MAML2: variants seen among roughly 807,000 people sequenced by gnomAD.
The protein encoded by MAML2 is mastermind-like protein 2.
MAML2 carries 22 observed loss-of-function variants against 96.1 expected under a neutral mutation model. The observed-to-expected ratio is 0.23, with a 90% CI of 0.16 to 0.33. The LOEUF (loss-of-function observed/expected upper bound fraction) is 0.33, where lower values mean the gene tolerates loss of function less well. Among genes scored for constraint, MAML2 ranks in the 10% least tolerant of loss-of-function variants. The pLI, the probability that MAML2 is intolerant of heterozygous loss-of-function variation, is 1.00. For missense variants in MAML2, 1,367 were observed against 1,392.4 expected (o/e 0.98, Z 0.29); for synonymous variants, 561 against 521.3 (o/e 1.08, Z -1.04).
At chr11:96,321,106 T>C (rs1451886028) in intron 1 of MAML2, among the ~76,000 whole-genome samples, 1 of 152,226 alleles carries the variant, frequency 6.6e-6, no homozygotes, top group African/African-American at 2.4e-5. Flanking sequence ...CCACAGCATA[T>C]GGCTGCCCAC....
At chr11:96,010,914 C>A (rs911752989) in intron 2 of MAML2, among the ~76,000 whole-genome samples, 5 of 152,170 alleles carry the variant, frequency 3.3e-5, no homozygotes, top group Non-Finnish European at 7.4e-5. Flanking sequence ...TATAAGGTCA[C>A]TTTAATCCAG....
At chr11:96,340,257 C>A (rs1158183127) in intron 1 of MAML2, among the ~76,000 whole-genome samples, 2 of 152,224 alleles carry the variant, frequency 1.3e-5, no homozygotes, top group Non-Finnish European at 2.9e-5. Flanking sequence ...CTCCTTTGGG[C>A]TTTTTGAGTA....
chr11:96,195,116 A>G (rs975988847), intron 1 of MAML2, among the ~76,000 whole-genome samples: 8 of 152,248 alleles, frequency 5.3e-5, no homozygotes, highest in African/African-American at 1.9e-4. Context: ...TACCTCAGTC[A>G]TAGGCTTTCT....
At chr11:96,296,056 G>C (rs1469201678) in intron 1 of MAML2, among the ~76,000 whole-genome samples, 1 of 151,330 alleles carries the variant, frequency 6.6e-6, no homozygotes, top group Non-Finnish European at 1.5e-5. Flanking sequence ...ATTTTTTAAA[G>C]TACATTTTCT....
chr11:96,222,222 C>T (rs527606299), intron 1 of MAML2, among the ~76,000 whole-genome samples: 50 of 152,278 alleles, frequency 3.3e-4, no homozygotes, highest in African/African-American at 9.1e-4. Context: ...TTGAAACATA[C>T]GCCTTGTGCT....
chr11:96,262,693 T>C (rs1862768099), intron 1 of MAML2, among the ~76,000 whole-genome samples: 1 of 152,130 alleles, frequency 6.6e-6, no homozygotes, highest in Admixed American at 6.5e-5. Context: ...ATGGTCTGGA[T>C]CTCCTGACCT....
At chr11:96,333,666 G>A (rs945422988) in intron 1 of MAML2, among the ~76,000 whole-genome samples, 6 of 152,168 alleles carry the variant, frequency 3.9e-5, no homozygotes, top group African/African-American at 9.7e-5. Flanking sequence ...TTGGAAAGAC[G>A]GCAAATCTGT....
chr11:96,034,456 A>AGTGTGTGT (rs1554998954), intron 2 of MAML2, among the ~76,000 whole-genome samples: 2,676 of 144,766 alleles, frequency 0.018, 90 homozygotes, highest in African/African-American at 0.066. Context: ...AGAGAGAGAG[A>AGTGTGTGT]GTGTGTGTGT....
intron 1 of MAML2, among the ~76,000 whole-genome samples, chr11:96,267,158 T>C (rs1862841067): frequency 6.6e-6 from 1 of 152,140 alleles, no homozygotes; most frequent in Non-Finnish European, 1.5e-5. Context: ...TACACAGTAT[T>C]TGAAGAAAAC....
intron 1 of MAML2, among the ~76,000 whole-genome samples, chr11:96,249,279 G>A (rs1282461360): frequency 6.6e-6 from 1 of 151,934 alleles, no homozygotes; most frequent in African/African-American, 2.4e-5. Flanking sequence ...TCTAGATATT[G>A]GAGTGTTAGC....
chr11:96,177,915 GT>G (rs1457184799), intron 1 of MAML2, among the ~76,000 whole-genome samples: 3 of 83,734 alleles, frequency 3.6e-5, no homozygotes, highest in Non-Finnish European at 7.7e-5. Flanking sequence ...GGAGACCTTA[GT>G]TGTGTGTGTG....
At chr11:96,243,390 A>C (rs914367411) in intron 1 of MAML2, among the ~76,000 whole-genome samples, 2 of 152,270 alleles carry the variant, frequency 1.3e-5, no homozygotes, top group East Asian at 3.9e-4. Flanking sequence ...CTGCTAGAGG[A>C]GGCCAGCTCT....
intron 1 of MAML2, among the ~76,000 whole-genome samples, chr11:96,251,453 T>C (rs191714255): frequency 2.0e-5 from 3 of 152,352 alleles, no homozygotes; most frequent in East Asian, 1.9e-4. Flanking sequence ...ATTCAAATTC[T>C]TGTTTTATAA....
chr11:96,122,351 C>A (rs1860362667), intron 1 of MAML2, among the ~76,000 whole-genome samples: 1 of 151,968 alleles, frequency 6.6e-6, no homozygotes, highest in African/African-American at 2.4e-5. Context: ...TCTGCTCTCC[C>A]CTGGAGCTGC....
intron 2 of MAML2, among the ~76,000 whole-genome samples, chr11:96,021,086 G>A (rs1228924047): frequency 6.6e-6 from 1 of 152,100 alleles, no homozygotes; most frequent in Non-Finnish European, 1.5e-5. Flanking sequence ...ATGTAAATGT[G>A]GAAGCCTTCC....
chr11:96,309,553 C>T (rs1403192625), intron 1 of MAML2, among the ~76,000 whole-genome samples: 2 of 152,098 alleles, frequency 1.3e-5, no homozygotes, highest in African/African-American at 4.8e-5. Context: ...GCAGGTTTTG[C>T]TACATCACCA....
At position 95,979,779 on chromosome 11, in the gene MAML2, T is replaced by C; in HGVS notation, c.2640A>G (p.Thr880=). ...GATTCATTCCTGAAGTGACACTGTA[T>C]GTGTTAGGTTGATTACAAGGCAGAT... The part of the protein sequence containing the change: ...YGNLPCNQPN[T]YSVTSGMNQL... Residue 880 remains threonine, a synonymous_variant, in exon 5 of 5, where the codon ACA becomes ACG. Coordinates refer to ENST00000524717, the MANE Select transcript of MAML2 (RefSeq NM_032427.4). 3 of 1,613,982 alleles carry C rather than the reference T, an allele frequency of 1.9e-6. No homozygotes were observed. The highest frequency in any genetic ancestry group is 2.5e-6 in the Non-Finnish European group (3 of 1,179,868).
intron 1 of MAML2, among the ~76,000 whole-genome samples, chr11:96,274,118 T>C (rs1281817490): frequency 6.8e-6 from 1 of 147,408 alleles, no homozygotes; most frequent in Non-Finnish European, 1.5e-5. Context: ...AGTCTCGCTC[T>C]GTAGCTCAGG....
At chr11:96,093,902 C>T (rs900687936) in intron 1 of MAML2, among the ~76,000 whole-genome samples, 9 of 152,166 alleles carry the variant, frequency 5.9e-5, no homozygotes, top group Non-Finnish European at 8.8e-5. Context: ...CACAACTCCT[C>T]GCAGCTACAG....
Sources: gnomAD v4.1 joint callset for allele counts (sites outside exome capture counted in the v4.1 genomes callset) on GRCh38, gnomAD v4.1.1 for gene constraint, MANE v1.5 for transcripts, NCBI Gene and HGNC (gene_info 2026-07-23, HGNC 2026-07-21) for gene names.